Variants in TRAF1 observed in about 807,000 individuals in gnomAD.
TRAF1 encodes TNF receptor associated factor 1.
In TRAF1, 23 loss-of-function variants were observed where a neutral mutation model predicts 40.9. The ratio of observed to expected loss-of-function variants is 0.56; its 90% CI spans 0.40 to 0.80. The LOEUF (loss-of-function observed/expected upper bound fraction) is 0.80. Among genes scored for constraint, TRAF1 ranks in the 30% least tolerant of loss-of-function variants. TRAF1 has a pLI of 0.00. For synonymous variants in TRAF1, 206 were observed against 218.8 expected, an observed-to-expected ratio of 0.94 and a Z score of 0.52; for missense variants, 477 against 528.7, an observed-to-expected ratio of 0.90 and a Z score of 0.96.
rs771774293 is a variant in TRAF1 at position 120,905,145 on chromosome 9, T to C, written c.1126A>G (p.Ser376Gly). ...CATCCACTGGCCACGTTGGTTTCAC[T>C]CTGGGGCCTCTGGAAGGACGCTGAG... ...LSSASFQRPQ[S>G]ETNVASGCPL... is the part of the protein sequence containing the mutation. The change falls in exon 8 of 8, where the codon AGT (serine) becomes GGT (glycine). Residue 376 changes from serine to glycine, a missense_variant. Coordinates refer to ENST00000373887, the MANE Select transcript of TRAF1 (RefSeq NM_005658.5). 5 of 1,614,226 alleles carry C rather than the reference T, an allele frequency of 3.1e-6. No individual in the cohort carries two copies. The highest frequency in any genetic ancestry group is 1.3e-5 in the African/African-American group (1 of 75,076).
At chr9:120,918,471 C>T (rs913130596) in intron 3 of TRAF1, among the ~76,000 whole-genome samples, 1 of 151,852 alleles carries the variant, frequency 6.6e-6, no homozygotes, top group Non-Finnish European at 1.5e-5. Flanking sequence ...AATTAGTATT[C>T]TTATTCCTGT....
At chr9:120,922,055 C>T (rs1162100364) in intron 3 of TRAF1, among the ~76,000 whole-genome samples, 1 of 152,216 alleles carries the variant, frequency 6.6e-6, no homozygotes, top group Non-Finnish European at 1.5e-5. Flanking sequence ...ACATCAGGCT[C>T]CTGATCCCTG....
chr9:120,926,659 C>T lies in TRAF1; in HGVS notation c.-336G>A, dbSNP rs1365939062. On this transcript the variant is annotated 5_prime_UTR_variant, in exon 1 of 8. The change creates a new upstream start codon in the 5' untranslated region. Coordinates refer to ENST00000373887, the MANE Select transcript of TRAF1 (RefSeq NM_005658.5). ...TCTGGGTGACCTCAAGGAGAAGTCA[C>T]TTCCTCACAGTGGGTTCTGATGACT... The T allele has an allele frequency of 6.6e-6, 1 of 152,244 alleles. No homozygotes were observed. Among genetic ancestry groups the T allele is most frequent in the Non-Finnish European group, 1.5e-5 (1 of 68,086 alleles). The allele number at this position is 152,244 out of a possible 1,614,324, so 9.4% of individuals were successfully genotyped here.
At position 120,923,761 on chromosome 9, in the gene TRAF1, T is replaced by C; in HGVS notation, c.172A>G (p.Arg58Gly). 3.7e-6 allele frequency: 6 copies of C among 1,614,144 alleles called. No homozygotes were observed. Among genetic ancestry groups the C allele is most frequent in the Non-Finnish European group, 5.1e-6 (6 of 1,180,008 alleles). Residue 58 changes from arginine to glycine, a missense_variant, in exon 3 of 8, where the codon AGA (arginine) becomes GGA (glycine). Coordinates refer to ENST00000373887, the MANE Select transcript of TRAF1 (RefSeq NM_005658.5). ...CTTATAGACTGGAGGTCTTCCCCTC[T>C]GCATTTGGGGCAGATCTGATCCTCG... ...NGEDQICPKCRGEDLQSISPG... is the reference protein window; with the variant it reads ...NGEDQICPKCGGEDLQSISPG...
At chr9:120,917,870 C>T (rs2046579291) in intron 3 of TRAF1, among the ~76,000 whole-genome samples, 2 of 152,218 alleles carry the variant, frequency 1.3e-5, no homozygotes, top group East Asian at 1.9e-4. Flanking sequence ...TTGTTATGGG[C>T]TCAGCAACCC....
chr9:120,926,256 A>T lies in TRAF1; in HGVS notation c.-181T>A. 1.7e-6 allele frequency: 1 copy of T among 575,760 alleles called. No homozygotes were observed. 35.7% of individuals were successfully genotyped at this position (575,760 alleles called of 1,614,324 possible). A position where few individuals can be genotyped will look rare whatever the true frequency, so the allele number is the denominator to read the frequency against. ...TGAGTCACAGCAGGGATGGAGCAGG[A>T]ATTACCCTTTGTGGCGATAAAAATC... On this transcript the variant is annotated 5_prime_UTR_variant, in exon 2 of 8. Transcript: ENST00000373887.
intron 6 of TRAF1, 91 bp downstream of exon 6, chr9:120,911,245 G>A: frequency 7.0e-7 from 1 of 1,434,000 alleles, no homozygotes; most frequent in African/African-American, 1.4e-5. Context: ...CAGCGTGTCT[G>A]TCACAGAGCT....
intron 3 of TRAF1, among the ~76,000 whole-genome samples, chr9:120,914,864 T>C (rs145544185): frequency 1.3e-5 from 2 of 152,240 alleles, no homozygotes; most frequent in Admixed American, 1.3e-4. Context: ...AGTGCTATTA[T>C]AATAGCAATT....
chr9:120,925,683 C>T (rs1385488772), intron 2 of TRAF1, among the ~76,000 whole-genome samples: 3 of 152,246 alleles, frequency 2.0e-5, no homozygotes, highest in Admixed American at 6.5e-5. Context: ...AGACAGTGGC[C>T]TCACAGCCTC....
chr9:120,909,150 G>A, intron 7 of TRAF1, 80 bp downstream of exon 7: 1 of 1,536,616 alleles, frequency 6.5e-7, no homozygotes, highest in Non-Finnish European at 8.8e-7. Flanking sequence ...CAGGTCACAT[G>A]GCCAATTCAT....
intron 3 of TRAF1, among the ~76,000 whole-genome samples, chr9:120,918,008 C>A (rs1395143071): frequency 6.6e-6 from 1 of 152,010 alleles, no homozygotes; most frequent in Admixed American, 6.6e-5. Context: ...GACTGGTATC[C>A]TTTTAGGAAG....
intron 3 of TRAF1, among the ~76,000 whole-genome samples, chr9:120,918,050 T>C (rs1052688514): frequency 1.3e-5 from 2 of 151,972 alleles, no homozygotes; most frequent in Admixed American, 1.3e-4. Flanking sequence ...CATGAAGACA[T>C]AGGGAGGGGA....
Sources: allele counts gnomAD v4.1 joint callset (sites outside exome capture counted in the v4.1 genomes callset), GRCh38; gene constraint gnomAD v4.1.1; transcripts MANE v1.5; gene names NCBI Gene and HGNC (gene_info 2026-07-23, HGNC 2026-07-21).